The following SLAMF1 variants were observed in gnomAD, a reference collection of about 807,000 sequenced individuals.
SLAMF1 encodes signaling lymphocytic activation molecule family member 1.
A neutral mutation model predicts 35.1 loss-of-function variants in SLAMF1; 18 were observed. That is an observed-to-expected ratio of 0.51 (90% CI 0.35 to 0.76). SLAMF1 has a LOEUF of 0.76. Among genes scored for constraint, SLAMF1 ranks in the 30% least tolerant of loss-of-function variants. The pLI is 0.01. For synonymous variants in SLAMF1, 168 were observed against 157.2 expected, an observed-to-expected ratio of 1.07 and a Z score of -0.51; for missense variants, 392 against 413.0, an observed-to-expected ratio of 0.95 and a Z score of 0.44.
At chr1:160,618,358 C>A (rs1219796186) in intron 5 of SLAMF1, among the ~76,000 whole-genome samples, 1 of 151,850 alleles carries the variant, frequency 6.6e-6, no homozygotes, top group African/African-American at 2.4e-5. Flanking sequence ...CAGAGTTGAT[C>A]CTTACTGAGG....
chr1:160,628,439 G>A (rs544703013), intron 3 of SLAMF1, among the ~76,000 whole-genome samples: 1 of 152,280 alleles, frequency 6.6e-6, no homozygotes, highest in African/African-American at 2.4e-5. Context: ...ATTTATTAAG[G>A]TACTATCATA....
intron 1 of SLAMF1, among the ~76,000 whole-genome samples, chr1:160,646,635 G>T (rs1661051373): frequency 6.6e-6 from 1 of 152,194 alleles, no homozygotes; most frequent in African/African-American, 2.4e-5. Context: ...TTGGCTTAGA[G>T]CCCCTCATTT....
chr1:160,642,608 A>G lies in SLAMF1; in HGVS notation c.76+4262T>C, dbSNP rs1660810824. On this transcript the variant is annotated intron_variant, in intron 1 of 6. Transcript: ENST00000302035. This position sits in a 1 kb window ranked among gnomAD's most constrained non-coding sequence, Gnocchi z 4.2. ...ATCCTTGTTGCCCAAGTGAATTAAT[A>G]AAACAGAATGGGATGAATGAAAAAT... Among the ~76,000 whole-genome samples the G allele has an allele frequency of 6.6e-6, 1 of 152,226 alleles. No homozygotes were observed. Among genetic ancestry groups the G allele is most frequent in the Non-Finnish European group, 1.5e-5 (1 of 68,036 alleles).
At chr1:160,640,359 T>TATATATACATAC (rs1361053277) in intron 1 of SLAMF1, among the ~76,000 whole-genome samples, 3 of 122,474 alleles carry the variant, frequency 2.4e-5, no homozygotes, top group African/African-American at 9.9e-5. Flanking sequence ...TATATATATA[T>TATATATACATAC]ACACACACAC....
At chr1:160,645,791 G>A (rs540755210) in intron 1 of SLAMF1, among the ~76,000 whole-genome samples, 12 of 152,240 alleles carry the variant, frequency 7.9e-5, no homozygotes, top group African/African-American at 1.9e-4. Context: ...AGCCCTGTTC[G>A]TCTGGCTGTC....
chr1:160,623,421 G>T (rs973216899), intron 4 of SLAMF1: 15 of 397,284 alleles, frequency 3.8e-5, no homozygotes, highest in Admixed American at 3.1e-4. Context: ...TTCTAAGAAG[G>T]TTGTGTGTAG....
intron 2 of SLAMF1, among the ~76,000 whole-genome samples, chr1:160,636,641 A>G (rs1660468140): frequency 6.6e-6 from 1 of 152,394 alleles, no homozygotes; most frequent in Admixed American, 6.5e-5. Flanking sequence ...GCCAAAAGGC[A>G]CTTCTTCCAC....
At position 160,642,170 on chromosome 1, in the gene SLAMF1, C is replaced by T. The variant is rs181555492; in HGVS notation, c.77-4641G>A. Among the ~76,000 whole-genome samples the T allele has an allele frequency of 6.6e-6, 1 of 152,308 alleles. No individual in the cohort carries two copies. The highest frequency in any genetic ancestry group is 1.9e-4 in the East Asian group (1 of 5,188). ...TAAATTTAGGCTCAGAAAGAAAAGA[C>T]ATCTTGTCTGTGTTTGCTTTTTAAA... On this transcript the variant is annotated intron_variant, in intron 1 of 6. Transcript: ENST00000302035. This position sits in a 1 kb window ranked among gnomAD's most constrained non-coding sequence, Gnocchi z 4.2.
intron 3 of SLAMF1, among the ~76,000 whole-genome samples, chr1:160,632,894 C>T (rs895617710): frequency 2.6e-5 from 4 of 152,174 alleles, no homozygotes; most frequent in Non-Finnish European, 1.5e-5. Context: ...ATCACTTGCT[C>T]TGTGTGTGAC....
chr1:160,637,562 A>G, intron 1 of SLAMF1, 33 bp from the exon 2 acceptor site: 1 of 1,477,842 alleles, frequency 6.8e-7, no homozygotes, highest in South Asian at 1.2e-5. Flanking sequence ...GTCCCTTATT[A>G]TTAAGGCCTT....
chr1:160,619,851 T>C lies in SLAMF1; in HGVS notation c.791-2A>G. 1 of 1,605,224 alleles carries C rather than the reference T, an allele frequency of 6.2e-7. No homozygotes were observed. The highest frequency in any genetic ancestry group is 8.5e-7 in the Non-Finnish European group (1 of 1,171,838). On this transcript the variant is annotated splice_acceptor_variant, in intron 4 of 6. Transcript: ENST00000302035. LOFTEE classifies it high-confidence loss of function. Reference sequence around the variant, plus strand: ...TTGTCTGGTAATGGTTCGTTTTACCTGGTGAAAAGAAACCATAATGGTTAT... The same window carrying C: ...TTGTCTGGTAATGGTTCGTTTTACCCGGTGAAAAGAAACCATAATGGTTAT...
intron 3 of SLAMF1, among the ~76,000 whole-genome samples, chr1:160,631,466 G>C (rs774196054): frequency 2.0e-5 from 3 of 152,158 alleles, no homozygotes; most frequent in Admixed American, 6.5e-5. Context: ...GATGTTTTGG[G>C]CTGAATTTTG....
rs531711385 is a variant in SLAMF1 at position 160,629,994 on chromosome 1, C to A, written c.700+4619G>T. On this transcript the variant is annotated intron_variant, in intron 3 of 6. Transcript: ENST00000302035. ...AGGGGAAGCCTCCGGAGCTCACTGGCAGGCGTCAGCCTTTTCTTTCACTGA... is the reference window on the plus strand; with the variant it reads ...AGGGGAAGCCTCCGGAGCTCACTGGAAGGCGTCAGCCTTTTCTTTCACTGA... Among the ~76,000 whole-genome samples the A allele has an allele frequency of 7.9e-5, 12 of 152,342 alleles. No individual in the cohort carries two copies. In the South Asian group the frequency reaches 2.5e-3, roughly 32 times the overall value.
In SLAMF1 at chr1:160,647,000, A is replaced by C; in HGVS notation, c.-55T>G. 2.1e-5 allele frequency: 19 copies of C among 900,782 alleles called. No individual in the cohort carries two copies. The highest frequency in any genetic ancestry group is 3.3e-5 in the Non-Finnish European group (18 of 542,398). The allele number at this position is 900,782 out of a possible 1,614,324, so 55.8% of individuals were successfully genotyped here. A position where few individuals can be genotyped will look rare whatever the true frequency, so the allele number is the denominator to read the frequency against. ...GCCGGAGCCTGGCAGCTGCTCACAGATGCCAGGCAGAAGCAAGCTTCGTGT... is the reference window on the plus strand; with the variant it reads ...GCCGGAGCCTGGCAGCTGCTCACAGCTGCCAGGCAGAAGCAAGCTTCGTGT... On this transcript the variant is annotated 5_prime_UTR_variant, in exon 1 of 7. Coordinates refer to ENST00000302035, the MANE Select transcript of SLAMF1 (RefSeq NM_003037.5).
At chr1:160,625,160 T>C (rs1335043208) in intron 3 of SLAMF1, among the ~76,000 whole-genome samples, 2 of 152,198 alleles carry the variant, frequency 1.3e-5, no homozygotes, top group African/African-American at 2.4e-5. Flanking sequence ...GAGAGACTTA[T>C]GGGCTTGGAA....
At chr1:160,637,615 G>GCT (rs2102348591) in intron 1 of SLAMF1, 86 bp from the exon 2 acceptor site, 1 of 958,130 alleles carries the variant, frequency 1.0e-6, no homozygotes, top group East Asian at 2.6e-5. Flanking sequence ...CAGACTGGAG[G>GCT]CTCTCCCTCT....
chr1:160,636,311 G>A (rs1480516180), intron 2 of SLAMF1, among the ~76,000 whole-genome samples: 1 of 152,186 alleles, frequency 6.6e-6, no homozygotes, highest in African/African-American at 2.4e-5. Flanking sequence ...CTGGGTTGAG[G>A]GAGGATTGGT....
At chr1:160,613,099 C>A (rs529193197) in intron 5 of SLAMF1, among the ~76,000 whole-genome samples, 2 of 152,308 alleles carry the variant, frequency 1.3e-5, no homozygotes, top group African/African-American at 2.4e-5. Flanking sequence ...CTCAGAAAGA[C>A]CAAATGTTTT....
chr1:160,635,350 C>T (rs979203802), intron 2 of SLAMF1, among the ~76,000 whole-genome samples: 5 of 151,712 alleles, frequency 3.3e-5, no homozygotes, highest in African/African-American at 7.3e-5. Context: ...TGTGTGCGTG[C>T]GCGCGCGCGC....
Sources: gnomAD v4.1 joint callset for allele counts (sites outside exome capture counted in the v4.1 genomes callset) on GRCh38, gnomAD v4.1.1 for gene constraint, Gnocchi (gnomAD v3.1) non-coding constraint, MANE v1.5 for transcripts, NCBI Gene and HGNC (gene_info 2026-07-23, HGNC 2026-07-21) for gene names.